PTPRD: variants seen among roughly 807,000 people sequenced by gnomAD.
PTPRD encodes the protein protein tyrosine phosphatase receptor type D.
PTPRD carries 34 observed loss-of-function variants against 214.5 expected under a neutral mutation model. That is an observed-to-expected ratio of 0.16 (90% CI 0.12 to 0.21). PTPRD has a LOEUF of 0.21. Among genes scored for constraint, PTPRD ranks in the 10% least tolerant of loss-of-function variants. The pLI is 1.00. For synonymous variants in PTPRD, 1,128 were observed against 845.7 expected (o/e 1.33, Z -5.79); for missense variants, 2,545 against 2,398.7 (o/e 1.06, Z -1.27).
At chr9:8,607,796 C>T (rs938895760) in intron 14 of PTPRD, among the ~76,000 whole-genome samples, 1 of 152,130 alleles carries the variant, frequency 6.6e-6, no homozygotes, top group African/African-American at 2.4e-5. Context: ...AATAAATAAA[C>T]ACAAATATTT....
chr9:10,223,350 G>C (rs1490898027), intron 3 of PTPRD, among the ~76,000 whole-genome samples: 2 of 151,842 alleles, frequency 1.3e-5, no homozygotes, highest in Non-Finnish European at 2.9e-5. Flanking sequence ...GAACCTCCTG[G>C]TTTGCTTAAG....
intron 8 of PTPRD, among the ~76,000 whole-genome samples, chr9:9,524,245 C>A (rs1029796290): frequency 3.9e-5 from 6 of 152,076 alleles, no homozygotes; most frequent in African/African-American, 1.4e-4. Context: ...TTCTGCTTAC[C>A]AACAGTTTGT....
chr9:9,807,496 G>C (rs1354575881), intron 5 of PTPRD, among the ~76,000 whole-genome samples: 2 of 152,142 alleles, frequency 1.3e-5, no homozygotes. Context: ...TGAAGAGATA[G>C]ATTCCCTCTG....
At chr9:10,293,898 T>A (rs1005351667) in intron 3 of PTPRD, among the ~76,000 whole-genome samples, 1 of 151,940 alleles carries the variant, frequency 6.6e-6, no homozygotes, top group African/African-American at 2.4e-5. Flanking sequence ...GAATAAATAT[T>A]GTGGGCAAAA....
intron 8 of PTPRD, among the ~76,000 whole-genome samples, chr9:9,477,771 T>G (rs965324885): frequency 5.9e-5 from 9 of 152,200 alleles, no homozygotes; most frequent in Non-Finnish European, 1.0e-4. Context: ...ATGAGATCTA[T>G]GCAAAGGATG....
chr9:8,477,629 C>A (rs1380310715), intron 30 of PTPRD, among the ~76,000 whole-genome samples: 4 of 152,122 alleles, frequency 2.6e-5, no homozygotes, highest in African/African-American at 9.7e-5. Context: ...CCTGGCTTTA[C>A]CGCTCCTTAA....
intron 8 of PTPRD, among the ~76,000 whole-genome samples, chr9:9,420,758 A>G (rs1569568168): frequency 6.6e-6 from 1 of 151,986 alleles, no homozygotes; most frequent in Non-Finnish European, 1.5e-5. Flanking sequence ...TATTTATGAC[A>G]TGGAAAGATG....
intron 2 of PTPRD, among the ~76,000 whole-genome samples, chr9:10,508,175 G>A (rs2046703282): frequency 6.6e-6 from 1 of 152,200 alleles, no homozygotes; most frequent in Admixed American, 6.5e-5. Context: ...CGTTTATGCA[G>A]CCAACAGATA....
At chr9:9,367,778 A>G (rs534666843) in intron 9 of PTPRD, among the ~76,000 whole-genome samples, 5 of 151,846 alleles carry the variant, frequency 3.3e-5, no homozygotes, top group Admixed American at 3.3e-4. Context: ...GAATTTGCAA[A>G]GCAATCTGAG....
chr9:10,532,729 A>G (rs886890823), intron 2 of PTPRD, among the ~76,000 whole-genome samples: 1 of 151,438 alleles, frequency 6.6e-6, no homozygotes, highest in Non-Finnish European at 1.5e-5. Flanking sequence ...ATCAATGAGA[A>G]TTACCTAATA....
Position 9,127,049 on chromosome 9 carries a change from A to G in PTPRD, c.-143+56255T>C, listed in dbSNP as rs2099835065. On this transcript the variant is annotated intron_variant, in intron 10 of 45. Coordinates refer to ENST00000381196, the MANE Select transcript of PTPRD (RefSeq NM_002839.4). Reference sequence around the variant, plus strand: ...AGGCTGGGACCATGTACACATGCACAAGGAACAAACCCAGAACAGGTTGCC... The same window carrying G: ...AGGCTGGGACCATGTACACATGCACGAGGAACAAACCCAGAACAGGTTGCC... Among the ~76,000 whole-genome samples the G allele has an allele frequency of 2.0e-5, 3 of 151,818 alleles. No homozygotes were observed. The South Asian group carries it at 6.2e-4, about 32-fold the overall frequency.
intron 2 of PTPRD, among the ~76,000 whole-genome samples, chr9:10,512,893 G>C (rs887407432): frequency 3.7e-5 from 5 of 135,640 alleles, no homozygotes; most frequent in African/African-American, 1.3e-4. Flanking sequence ...TGGTAGAAAG[G>C]AAAGAAAAAA....
intron 3 of PTPRD, among the ~76,000 whole-genome samples, chr9:10,224,421 C>T (rs767454204): frequency 3.3e-5 from 5 of 151,964 alleles, no homozygotes; most frequent in African/African-American, 1.2e-4. Context: ...AGGTTAGTTA[C>T]ATATGCATAC....
intron 12 of PTPRD, among the ~76,000 whole-genome samples, chr9:8,659,236 C>G (rs912172362): frequency 7.2e-5 from 11 of 152,198 alleles, no homozygotes; most frequent in African/African-American, 2.7e-4. Context: ...AAATGAATTT[C>G]TTCAAGTGAA....
chr9:9,817,589 G>C (rs573360814), intron 5 of PTPRD, among the ~76,000 whole-genome samples: 6 of 152,078 alleles, frequency 3.9e-5, no homozygotes, highest in Non-Finnish European at 5.9e-5. Flanking sequence ...ATAAAAAACT[G>C]AATGTAAAAT....
intron 12 of PTPRD, among the ~76,000 whole-genome samples, chr9:8,699,238 G>T (rs2098012965): frequency 6.6e-6 from 1 of 152,162 alleles, no homozygotes; most frequent in Non-Finnish European, 1.5e-5. Flanking sequence ...GAGGACAGAT[G>T]CTAAACAGTT....
chr9:9,517,418 T>C (rs148930980), intron 8 of PTPRD, among the ~76,000 whole-genome samples: 4 of 152,208 alleles, frequency 2.6e-5, no homozygotes, highest in African/African-American at 9.6e-5. Flanking sequence ...ACAAAGAGCC[T>C]AGGCAAAAAC....
intron 9 of PTPRD, among the ~76,000 whole-genome samples, chr9:9,232,180 G>A (rs933177694): frequency 6.6e-6 from 1 of 152,108 alleles, no homozygotes; most frequent in Non-Finnish European, 1.5e-5. Flanking sequence ...CACTTGTAGT[G>A]CATTATGCCC....
At chr9:9,461,989 T>A (rs988141249) in intron 8 of PTPRD, among the ~76,000 whole-genome samples, 1 of 152,192 alleles carries the variant, frequency 6.6e-6, no homozygotes, top group Non-Finnish European at 1.5e-5. Flanking sequence ...AATTACTTTG[T>A]TGTAATCTAT....
Sources: allele counts gnomAD v4.1 joint callset (sites outside exome capture counted in the v4.1 genomes callset), GRCh38; gene constraint gnomAD v4.1.1; transcripts MANE v1.5; gene names NCBI Gene and HGNC (gene_info 2026-07-23, HGNC 2026-07-21).